The following CHL1 variants were observed in gnomAD, a reference collection of about 807,000 sequenced individuals.
CHL1 encodes neural cell adhesion molecule L1-like protein.
CHL1 carries 96 observed loss-of-function variants against 141.9 expected under a neutral mutation model. The ratio of observed to expected loss-of-function variants is 0.68; its 90% CI spans 0.57 to 0.80. CHL1 has a LOEUF of 0.80. CHL1 is among the 30% of genes least tolerant of loss of function. CHL1 has a pLI of 0.00. For missense variants in CHL1, 1,820 were observed against 1,457.2 expected (o/e 1.25, Z -4.05); for synonymous variants, 613 against 502.2 (o/e 1.22, Z -2.95).
chr3:375,387 C>T (rs1321743636), intron 15 of CHL1, among the ~76,000 whole-genome samples: 2 of 151,796 alleles, frequency 1.3e-5, no homozygotes, highest in Non-Finnish European at 2.9e-5. Context: ...CATTGAGAAT[C>T]CAGTGGGAGG....
At chr3:345,677 G>A (rs1702712793) in intron 9 of CHL1, among the ~76,000 whole-genome samples, 1 of 151,928 alleles carries the variant, frequency 6.6e-6, no homozygotes, top group Non-Finnish European at 1.5e-5. Context: ...TAGAGACAGG[G>A]TTTCAACATG....
At chr3:276,118 A>G (rs1277082503) in intron 2 of CHL1, among the ~76,000 whole-genome samples, 2 of 151,982 alleles carry the variant, frequency 1.3e-5, no homozygotes, top group Admixed American at 6.6e-5. Flanking sequence ...GATAAATATT[A>G]TATATTCATT....
intron 2 of CHL1, among the ~76,000 whole-genome samples, chr3:273,598 AT>A (rs1170100835): frequency 6.6e-6 from 1 of 151,704 alleles, no homozygotes; most frequent in Non-Finnish European, 1.5e-5. Context: ...ATTCTCTCTC[AT>A]TTTTTCTGTG....
chr3:264,925 G>C (rs931309340), intron 2 of CHL1, among the ~76,000 whole-genome samples: 4 of 152,200 alleles, frequency 2.6e-5, no homozygotes, highest in Non-Finnish European at 5.9e-5. Flanking sequence ...TTGAACACTA[G>C]GAAAGAACTA....
intron 11 of CHL1, 56 bp from the exon 12 acceptor site, chr3:360,228 T>C: frequency 1.3e-6 from 2 of 1,582,724 alleles, no homozygotes; most frequent in Non-Finnish European, 1.7e-6. Flanking sequence ...ATAAATGGTG[T>C]ATAAATATTT....
intron 2 of CHL1, among the ~76,000 whole-genome samples, chr3:287,486 A>C (rs193045166): frequency 7.9e-5 from 12 of 152,340 alleles, no homozygotes; most frequent in African/African-American, 2.2e-4. Flanking sequence ...TATTTTTTAC[A>C]GTAGAGGTGC....
intron 1 of CHL1, among the ~76,000 whole-genome samples, chr3:211,833 G>C (rs990483619): frequency 1.3e-5 from 2 of 152,106 alleles, no homozygotes; most frequent in African/African-American, 4.8e-5. Flanking sequence ...AAGATACAAT[G>C]TCTATATATT....
At chr3:337,505 A>T (rs1050123463) in intron 5 of CHL1, among the ~76,000 whole-genome samples, 4 of 151,122 alleles carry the variant, frequency 2.6e-5, no homozygotes, top group East Asian at 3.9e-4. Flanking sequence ...TCCCAATGCT[A>T]TCCCTCCCCT....
At chr3:383,041 T>A (rs907614158) in intron 18 of CHL1, among the ~76,000 whole-genome samples, 2 of 152,202 alleles carry the variant, frequency 1.3e-5, no homozygotes, top group Non-Finnish European at 2.9e-5. Context: ...TGTCTCAACA[T>A]CAATCTAAAT....
chr3:314,329 GTATATATATATATATATATATATATA>G (rs56292297), intron 2 of CHL1, among the ~76,000 whole-genome samples: 8 of 65,332 alleles, frequency 1.2e-4, no homozygotes, highest in Non-Finnish European at 1.5e-4. Flanking sequence ...CTCTCTATGT[GTATATATATATATATATATATATATA>G]TATATATATA....
intron 1 of CHL1, among the ~76,000 whole-genome samples, chr3:203,367 C>A (rs1699124782): frequency 6.6e-6 from 1 of 152,244 alleles, no homozygotes; most frequent in African/African-American, 2.4e-5. Context: ...CCTGAATGCC[C>A]AGGTGGCAGA....
At chr3:218,792 A>G (rs1489142620) in intron 1 of CHL1, among the ~76,000 whole-genome samples, 2 of 152,208 alleles carry the variant, frequency 1.3e-5, no homozygotes, top group African/African-American at 4.8e-5. Flanking sequence ...AACACGTTTC[A>G]TGCAAATCAA....
chr3:321,025 G>C (rs947258507), intron 3 of CHL1, among the ~76,000 whole-genome samples: 1 of 151,914 alleles, frequency 6.6e-6, no homozygotes, highest in African/African-American at 2.4e-5. Context: ...AAAAGTGTTG[G>C]GACTTAACTA....
chr3:312,608 A>C (rs1244623939), intron 2 of CHL1, among the ~76,000 whole-genome samples: 1 of 152,172 alleles, frequency 6.6e-6, no homozygotes, highest in East Asian at 1.9e-4. Context: ...ACTGATTCCA[A>C]ACCAGGGGAA....
chr3:246,284 CA>C (rs1364386991), intron 2 of CHL1, among the ~76,000 whole-genome samples: 3 of 152,066 alleles, frequency 2.0e-5, no homozygotes, highest in Non-Finnish European at 4.4e-5. Flanking sequence ...TTTCTCTTGA[CA>C]TTATGAAAAT....
intron 1 of CHL1, among the ~76,000 whole-genome samples, chr3:205,658 T>TGC (rs1436100890): frequency 6.6e-6 from 1 of 152,156 alleles, no homozygotes; most frequent in Non-Finnish European, 1.5e-5. Context: ...TGTGTGTGTG[T>TGC]GCGCGCGCAC....
chr3:403,912 T>G (rs1049195040), intron 27 of CHL1, among the ~76,000 whole-genome samples: 21 of 152,216 alleles, frequency 1.4e-4, no homozygotes, highest in African/African-American at 5.1e-4. Context: ...TATTCTTTGT[T>G]CCTGATTCCT....
intron 2 of CHL1, among the ~76,000 whole-genome samples, chr3:314,985 T>C (rs1033247573): frequency 6.6e-6 from 1 of 152,136 alleles, no homozygotes; most frequent in Non-Finnish European, 1.5e-5. Context: ...CAATATCATT[T>C]CACCACTATA....
chr3:325,175 G>A (rs202188360), intron 3 of CHL1, among the ~76,000 whole-genome samples: 26 of 148,610 alleles, frequency 1.7e-4, no homozygotes, highest in Non-Finnish European at 2.5e-4. Flanking sequence ...AAAAAAAAAA[G>A]AAAATTAAAA....
Sources: gnomAD v4.1 joint callset for allele counts (sites outside exome capture counted in the v4.1 genomes callset) on GRCh38, gnomAD v4.1.1 for gene constraint, MANE v1.5 for transcripts, NCBI Gene and HGNC (gene_info 2026-07-23, HGNC 2026-07-21) for gene names.